TRPM3: variants seen among roughly 807,000 people sequenced by gnomAD.
TRPM3 encodes long transient receptor potential channel 3.
Under a neutral mutation model 181.2 loss-of-function variants are expected in TRPM3, and 77 were observed. The ratio of observed to expected loss-of-function variants is 0.42; its 90% confidence interval spans 0.35 to 0.51. The LOEUF (loss-of-function observed/expected upper bound fraction) is 0.51. Ranked by LOEUF, TRPM3 falls within the 20% of genes least tolerant of loss-of-function variation. The pLI, the probability that TRPM3 is intolerant of heterozygous loss-of-function variation, is 0.01. For missense variants in TRPM3, 1,759 were observed against 2,196.7 expected (o/e 0.80, Z 3.98); for synonymous variants, 745 against 796.4 (o/e 0.94, Z 1.09).
intron 1 of TRPM3, among the ~76,000 whole-genome samples, chr9:71,400,920 G>A (rs904846227): frequency 6.6e-6 from 1 of 151,832 alleles, no homozygotes; most frequent in Non-Finnish European, 1.5e-5. Context: ...ATCAATTACT[G>A]GGTACAGTGG....
chr9:70,817,914 A>G (rs1477811336), intron 6 of TRPM3, among the ~76,000 whole-genome samples: 1 of 152,102 alleles, frequency 6.6e-6, no homozygotes. Context: ...CTACATGTTT[A>G]TTTCAATCAT....
chr9:70,876,302 T>C (rs2095868382), intron 1 of TRPM3, among the ~76,000 whole-genome samples: 1 of 138,362 alleles, frequency 7.2e-6, no homozygotes, highest in African/African-American at 2.8e-5. Context: ...TATAGACATA[T>C]ACATATATAG....
At chr9:71,106,909 T>C (rs2069725087) in intron 1 of TRPM3, among the ~76,000 whole-genome samples, 1 of 152,160 alleles carries the variant, frequency 6.6e-6, no homozygotes, top group Non-Finnish European at 1.5e-5. Context: ...TCCTACAGTG[T>C]AACCCTCTTA....
intron 1 of TRPM3, among the ~76,000 whole-genome samples, chr9:71,336,178 C>G (rs970853646): frequency 3.6e-5 from 5 of 140,730 alleles, no homozygotes; most frequent in African/African-American, 1.4e-4. Flanking sequence ...ACAAACTGTC[C>G]GAAAAAAAAA....
intron 6 of TRPM3, among the ~76,000 whole-genome samples, chr9:70,785,273 C>T (rs757340752): frequency 9.9e-5 from 15 of 152,112 alleles, no homozygotes; most frequent in Non-Finnish European, 1.9e-4. Flanking sequence ...CTGTATGCAT[C>T]GTTCAACCTA....
intron 1 of TRPM3, among the ~76,000 whole-genome samples, chr9:71,051,266 A>G (rs1249420990): frequency 6.6e-6 from 1 of 152,242 alleles, no homozygotes; most frequent in Non-Finnish European, 1.5e-5. Flanking sequence ...GTTTTTAAAC[A>G]TCTCTTTTAG....
intron 1 of TRPM3, among the ~76,000 whole-genome samples, chr9:71,246,513 A>G (rs1262540969): frequency 6.6e-6 from 1 of 152,212 alleles, no homozygotes; most frequent in Non-Finnish European, 1.5e-5. Flanking sequence ...TGGCCATAAT[A>G]TAAAATGGAT....
chr9:70,607,731 C>A (rs945337453), intron 19 of TRPM3, among the ~76,000 whole-genome samples: 2 of 152,178 alleles, frequency 1.3e-5, no homozygotes, highest in African/African-American at 4.8e-5. Context: ...ACAAAACTCC[C>A]TTGTCATCAT....
At chr9:70,689,771 G>A (rs1419886182) in intron 8 of TRPM3, among the ~76,000 whole-genome samples, 2 of 151,850 alleles carry the variant, frequency 1.3e-5, no homozygotes, top group Admixed American at 6.6e-5. Context: ...ATATATTATA[G>A]AAAAACCAAG....
At chr9:71,271,701 T>C (rs2083806238) in intron 1 of TRPM3, among the ~76,000 whole-genome samples, 1 of 151,858 alleles carries the variant, frequency 6.6e-6, no homozygotes, top group Non-Finnish European at 1.5e-5. Context: ...ATGACTGGAC[T>C]GGCGAACGTA....
intron 8 of TRPM3, among the ~76,000 whole-genome samples, chr9:70,743,041 T>G (rs1043995658): frequency 6.6e-6 from 1 of 152,122 alleles, no homozygotes; most frequent in African/African-American, 2.4e-5. Flanking sequence ...GGAGGGTGGA[T>G]AGAGATGGAG....
intron 8 of TRPM3, among the ~76,000 whole-genome samples, chr9:70,760,048 T>C (rs561946575): frequency 2.6e-5 from 4 of 152,248 alleles, no homozygotes; most frequent in Admixed American, 2.6e-4. Context: ...TTATAACAAA[T>C]AACTTGCATA....
At chr9:71,354,816 C>T (rs1351931079) in intron 1 of TRPM3, among the ~76,000 whole-genome samples, 1 of 152,186 alleles carries the variant, frequency 6.6e-6, no homozygotes, top group Non-Finnish European at 1.5e-5. Flanking sequence ...TGTATTTCTG[C>T]CCCTGTGCTT....
chr9:70,565,776 A>G (rs2050426426), intron 22 of TRPM3, among the ~76,000 whole-genome samples: 1 of 152,226 alleles, frequency 6.6e-6, no homozygotes, highest in Non-Finnish European at 1.5e-5. Context: ...ACTAGACACA[A>G]GGCACTAACC....
At chr9:71,343,285 T>C (rs1169772135) in intron 1 of TRPM3, among the ~76,000 whole-genome samples, 1 of 152,122 alleles carries the variant, frequency 6.6e-6, no homozygotes, top group Non-Finnish European at 1.5e-5. Context: ...TATTTCACAA[T>C]AATAAATAAT....
At chr9:70,954,947 C>T (rs1406545823) in intron 1 of TRPM3, among the ~76,000 whole-genome samples, 1 of 152,082 alleles carries the variant, frequency 6.6e-6, no homozygotes, top group South Asian at 2.1e-4. Flanking sequence ...TGACAGATGC[C>T]TATGGAAGAT....
intron 9 of TRPM3, among the ~76,000 whole-genome samples, chr9:70,673,633 A>G (rs1233478686): frequency 6.6e-6 from 1 of 152,134 alleles, no homozygotes; most frequent in East Asian, 1.9e-4. Context: ...TTTGTTCACT[A>G]TTTAAGAGCC....
At chr9:70,776,978 T>C (rs1425854867) in intron 7 of TRPM3, among the ~76,000 whole-genome samples, 1 of 152,188 alleles carries the variant, frequency 6.6e-6, no homozygotes, top group Non-Finnish European at 1.5e-5. Flanking sequence ...CCCAAAGCTC[T>C]CTAGGTGATT....
intron 6 of TRPM3, among the ~76,000 whole-genome samples, chr9:70,789,462 A>C (rs2084809325): frequency 6.6e-6 from 1 of 152,234 alleles, no homozygotes; most frequent in Non-Finnish European, 1.5e-5. Context: ...CTGTAGGAAA[A>C]AAAATTACCT....
Sources: gnomAD v4.1 joint callset for allele counts (sites outside exome capture counted in the v4.1 genomes callset) on GRCh38, gnomAD v4.1.1 for gene constraint, MANE v1.5 for transcripts, NCBI Gene and HGNC (gene_info 2026-07-23, HGNC 2026-07-21) for gene names.